PLSCR4: variants seen among roughly 807,000 people sequenced by gnomAD.
PLSCR4 encodes the protein Ca(2+)-dependent phospholipid scramblase 4.
PLSCR4 carries 25 observed loss-of-function variants against 36.3 expected under a neutral mutation model. The ratio of observed to expected loss-of-function variants is 0.69; its 90% confidence interval spans 0.50 to 0.96. PLSCR4 has a LOEUF of 0.96. PLSCR4 is among the 40% of genes least tolerant of loss of function. The probability of loss-of-function intolerance (pLI) is 0.00; values close to 1 mark genes in which losing one functional copy is unlikely to be tolerated. For missense variants in PLSCR4, 408 were observed against 414.7 expected, an observed-to-expected ratio of 0.98 and a Z score of 0.14; for synonymous variants, 122 against 132.9, an observed-to-expected ratio of 0.92 and a Z score of 0.56.
intron 3 of PLSCR4, among the ~76,000 whole-genome samples, chr3:146,207,902 C>T (rs534868927): frequency 6.6e-6 from 1 of 152,058 alleles, no homozygotes; most frequent in Non-Finnish European, 1.5e-5. Context: ...AATACTATCA[C>T]CGTTCTTCAC....
chr3:146,219,328 G>C (rs2035033015), intron 3 of PLSCR4, among the ~76,000 whole-genome samples: 1 of 152,142 alleles, frequency 6.6e-6, no homozygotes, highest in African/African-American at 2.4e-5. Flanking sequence ...TAGGGTCTAG[G>C]TTTTTGGATA....
intron 8 of PLSCR4, among the ~76,000 whole-genome samples, 197 bp from the exon 9 acceptor site, chr3:146,194,652 C>T (rs1182077523): frequency 6.6e-6 from 1 of 152,072 alleles, no homozygotes; most frequent in African/African-American, 2.4e-5. Flanking sequence ...ATTTGAAGTG[C>T]CAATTAACTG....
In PLSCR4 at chr3:146,230,637, A is replaced by C. The variant is rs547741869; in HGVS notation, c.-21-8545T>G. On this transcript the variant is annotated intron_variant, in intron 1 of 8. Coordinates refer to ENST00000354952, the MANE Select transcript of PLSCR4 (RefSeq NM_020353.3). Reference sequence around the variant, plus strand: ...TAACAGAGAGAGCGAGGAGGAGCAGAAGAGGTGGGAAAGTGGAGAGGGAGC... The same window carrying C: ...TAACAGAGAGAGCGAGGAGGAGCAGCAGAGGTGGGAAAGTGGAGAGGGAGC... Among the ~76,000 whole-genome samples, 5 of 152,254 alleles carry C rather than the reference A, an allele frequency of 3.3e-5. No individual in the cohort carries two copies. The South Asian group carries it at 1.0e-3, about 32-fold the overall frequency.
chr3:146,199,737 T>C (rs936746470), intron 6 of PLSCR4, 76 bp downstream of exon 6: 32 of 1,176,276 alleles, frequency 2.7e-5, no homozygotes, highest in Non-Finnish European at 3.7e-5. Flanking sequence ...ATCCTCCCTA[T>C]GTAGTGGAAG....
intron 1 of PLSCR4, among the ~76,000 whole-genome samples, chr3:146,226,576 A>G (rs542200497): frequency 1.8e-4 from 28 of 152,214 alleles, no homozygotes; most frequent in Non-Finnish European, 3.8e-4. Flanking sequence ...TTAAATATTT[A>G]ATTTCAAAAT....
chr3:146,232,602 A>G (rs567888122), intron 1 of PLSCR4, among the ~76,000 whole-genome samples: 27 of 152,214 alleles, frequency 1.8e-4, no homozygotes, highest in Admixed American at 7.2e-4. Context: ...TTTTGTAGCT[A>G]TTGTGAATGG....
At position 146,193,235 on chromosome 3, in the gene PLSCR4, T is replaced by A. The variant is rs535339048; in HGVS notation, c.*1176A>T. ...TGCTGTAGACCATAGAGAAATAGAA[T>A]GTTTACTGTGTTTTATTATTATTAC... On this transcript the variant is annotated 3_prime_UTR_variant, in exon 9 of 9. Coordinates refer to ENST00000354952, the MANE Select transcript of PLSCR4 (RefSeq NM_020353.3). 6.6e-6 allele frequency: 1 copy of A among 152,222 alleles called. No homozygotes were observed. Among genetic ancestry groups the A allele is most frequent in the Non-Finnish European group, 1.5e-5 (1 of 68,040 alleles). The allele number at this position is 152,222 out of a possible 1,614,324, so 9.4% of individuals were successfully genotyped here.
chr3:146,215,208 A>G (rs1410983107), intron 3 of PLSCR4, among the ~76,000 whole-genome samples: 1 of 152,056 alleles, frequency 6.6e-6, no homozygotes, highest in Non-Finnish European at 1.5e-5. Flanking sequence ...AGTCAACTAG[A>G]GAAGAATAAA....
At chr3:146,233,358 A>C (rs1483077416) in intron 1 of PLSCR4, among the ~76,000 whole-genome samples, 1 of 152,136 alleles carries the variant, frequency 6.6e-6, no homozygotes, top group African/African-American at 2.4e-5. Context: ...AAAGGTAGGT[A>C]AAACAGTCAT....
rs1559894788 is a variant in PLSCR4, at chr3:146,195,159, T to C, written c.910A>G (p.Met304Val). The change falls in exon 8 of 9, where the codon ATG becomes GTG. Residue 304 changes from methionine to valine, a missense_variant. Coordinates refer to ENST00000354952, the MANE Select transcript of PLSCR4 (RefSeq NM_020353.3). ...CAAGCTCCAAAAATCATGGCTTTCATCTTCACATCCAGGTCTAGTGGGAAG... is the reference window on the plus strand; with the variant it reads ...CAAGCTCCAAAAATCATGGCTTTCACCTTCACATCCAGGTCTAGTGGGAAG... ...IHFPLDLDVK[M>V]KAMIFGACFL... The C allele has an allele frequency of 1.2e-6, 2 of 1,613,904 alleles. No homozygotes were observed. Among genetic ancestry groups the C allele is most frequent in the African/African-American group, 1.3e-5 (1 of 75,044 alleles).
chr3:146,201,075 C>T lies in PLSCR4; in HGVS notation c.357G>A (p.Leu119=). ...AATGCTGAAGAACATGTATGTTGTC[C>T]AACTGTTGGGATAAAACAAAGCAAT... The part of the protein sequence containing the change: ...CPPGLEYLVQ[L]DNIHVLQHFE... Residue 119 remains leucine, a splice_region_variant and synonymous_variant, in exon 5 of 9, where the codon TTG becomes TTA. Coordinates refer to ENST00000354952, the MANE Select transcript of PLSCR4 (RefSeq NM_020353.3). 1.3e-6 allele frequency: 2 copies of T among 1,544,692 alleles called. No homozygotes were observed. The highest frequency in any genetic ancestry group is 8.7e-7 in the Non-Finnish European group (1 of 1,152,928).
At position 146,196,783 on chromosome 3, in the gene PLSCR4, T is replaced by G. The variant is rs897643635; in HGVS notation, c.635A>C (p.Gln212Pro). ...GCCAATGGTGACACCAGGAGGACAC[T>G]GCACCTCCAGCTGCAAACAAAACAG... Reference protein sequence around the residue: ...CPSARQELEVQCPPGVTIGFV... With the variant: ...CPSARQELEVPCPPGVTIGFV... The change falls in exon 7 of 9, where the codon CAG (glutamine) becomes CCG (proline). Residue 212 changes from glutamine (Q) to proline (P), a missense_variant. Coordinates refer to ENST00000354952, the MANE Select transcript of PLSCR4 (RefSeq NM_020353.3). 3.1e-6 allele frequency: 5 copies of G among 1,613,746 alleles called. No individual in the cohort carries two copies. The South Asian group carries it at 5.5e-5, about 18-fold the overall frequency.
chr3:146,205,477 T>C (rs1250174743), intron 4 of PLSCR4, among the ~76,000 whole-genome samples: 1 of 152,036 alleles, frequency 6.6e-6, no homozygotes, highest in African/African-American at 2.4e-5. Context: ...CCTTGACATA[T>C]CCAAATTCCC....
chr3:146,247,118 G>A (rs1407652728), intron 1 of PLSCR4, among the ~76,000 whole-genome samples: 2 of 151,846 alleles, frequency 1.3e-5, no homozygotes, highest in Admixed American at 6.6e-5. Flanking sequence ...CTTTTTAATG[G>A]CTGCAACATA....
chr3:146,248,508 A>C lies in PLSCR4; in HGVS notation c.-22+2452T>G, dbSNP rs71300387. On this transcript the variant is annotated intron_variant, in intron 1 of 8. Transcript: ENST00000354952. ...CACACAGACACACACACACACACAC[A>C]GTGTTTCAACTTGTTGTTTCATTTT... Among the ~76,000 whole-genome samples the C allele has an allele frequency of 3.0e-3, 453 of 148,746 alleles. 6 individuals carry two copies. Among genetic ancestry groups the C allele is most frequent in the Non-Finnish European group, 2.6e-3 (177 of 67,144 alleles).
rs370923591 is a variant in PLSCR4, at chr3:146,195,253, G to A, written c.816C>T (p.Ile272=). The change falls in exon 8 of 9, where the codon ATC becomes ATT. Residue 272 remains isoleucine, a synonymous_variant. Transcript: ENST00000354952. The stretch of plus-strand genomic sequence containing the variant: ...CATTCCACTTCCGGATAATACTGCC[G>A]ATGTTGGATATGCCATCAAGGGATT... The part of the protein sequence containing the change: ...EVKSLDGISN[I]GSIIRKWNGL... 1.9e-5 allele frequency: 30 copies of A among 1,613,688 alleles called. No individual in the cohort carries two copies. Among genetic ancestry groups the A allele is most frequent in the Admixed American group, 1.0e-4 (6 of 60,012 alleles).
At chr3:146,243,611 G>A (rs74328588) in intron 1 of PLSCR4, among the ~76,000 whole-genome samples, 1 of 152,250 alleles carries the variant, frequency 6.6e-6, no homozygotes, top group African/African-American at 2.4e-5. Context: ...TGTTAAAACT[G>A]CAAAGTGCCT....
intron 2 of PLSCR4, among the ~76,000 whole-genome samples, chr3:146,221,847 T>C (rs1449666531): frequency 6.6e-6 from 1 of 152,116 alleles, no homozygotes; most frequent in Non-Finnish European, 1.5e-5. Context: ...TGTCCCACTG[T>C]AAGTCCCTTT....
chr3:146,209,047 T>C (rs927987267), intron 3 of PLSCR4, among the ~76,000 whole-genome samples: 2 of 152,078 alleles, frequency 1.3e-5, no homozygotes, highest in Non-Finnish European at 2.9e-5. Context: ...AATGTGGGAT[T>C]ACATATATAT....
Sources: allele counts gnomAD v4.1 joint callset (sites outside exome capture counted in the v4.1 genomes callset), GRCh38; gene constraint gnomAD v4.1.1; transcripts MANE v1.5; gene names NCBI Gene and HGNC (gene_info 2026-07-23, HGNC 2026-07-21).